Variants in LY86 observed in about 807,000 individuals in gnomAD.
LY86 encodes the protein lymphocyte antigen 86, also known as MD-1, RP105-associated.
Under a neutral mutation model 17.3 loss-of-function variants are expected in LY86, and 20 were observed. That is an observed-to-expected ratio of 1.15 (90% confidence interval 0.81 to 1.68). The LOEUF (loss-of-function observed/expected upper bound fraction) is 1.68, where lower values mean the gene tolerates loss of function less well. Ranked by LOEUF, LY86 falls within the 40% of genes most tolerant of loss-of-function variation. The pLI is 0.00. For synonymous variants in LY86, 74 were observed against 70.6 expected (o/e 1.05, Z -0.24); for missense variants, 200 against 191.9 (o/e 1.04, Z -0.25).
chr6:6,636,509 T>G (rs1761961089), intron 3 of LY86, among the ~76,000 whole-genome samples: 1 of 152,236 alleles, frequency 6.6e-6, no homozygotes, highest in African/African-American at 2.4e-5. Context: ...ACTGGAAGTC[T>G]GCATTTTAAC....
chr6:6,590,849 G>A (rs150947640), intron 1 of LY86, among the ~76,000 whole-genome samples: 4 of 152,256 alleles, frequency 2.6e-5, no homozygotes, highest in Non-Finnish European at 5.9e-5. Flanking sequence ...TGCCCAGAGA[G>A]GTCCAGATGG....
At chr6:6,635,108 C>T (rs1210150400) in intron 3 of LY86, among the ~76,000 whole-genome samples, 1 of 152,124 alleles carries the variant, frequency 6.6e-6, no homozygotes. Context: ...AATGCAAGCC[C>T]AGGAATTCAG....
intron 3 of LY86, among the ~76,000 whole-genome samples, chr6:6,630,315 A>C (rs1761880676): frequency 1.3e-5 from 2 of 152,226 alleles, no homozygotes; most frequent in Non-Finnish European, 2.9e-5. Flanking sequence ...GTAGAATATC[A>C]AGGGATGATC....
chr6:6,622,112 C>T (rs571227950), intron 1 of LY86, among the ~76,000 whole-genome samples: 5 of 152,326 alleles, frequency 3.3e-5, no homozygotes, highest in African/African-American at 9.6e-5. Flanking sequence ...ATCTGTCTTT[C>T]TGCTTTTATA....
At chr6:6,652,711 C>T (rs567192322) in intron 4 of LY86, among the ~76,000 whole-genome samples, 17 of 152,312 alleles carry the variant, frequency 1.1e-4, no homozygotes, top group African/African-American at 3.4e-4. Context: ...GCACTCAGTC[C>T]TTCCCTACCC....
chr6:6,612,489 A>C (rs1273122846), intron 1 of LY86, among the ~76,000 whole-genome samples: 1 of 150,782 alleles, frequency 6.6e-6, no homozygotes, highest in Non-Finnish European at 1.5e-5. Context: ...CCAAAGTGTA[A>C]ACAACAAAAA....
chr6:6,653,786 C>T (rs1762221089), intron 4 of LY86, among the ~76,000 whole-genome samples: 1 of 152,228 alleles, frequency 6.6e-6, no homozygotes, highest in African/African-American at 2.4e-5. Flanking sequence ...TTCTTTCTCT[C>T]CCACCCACTT....
chr6:6,607,771 G>A (rs1313988860), intron 1 of LY86, among the ~76,000 whole-genome samples: 2 of 151,784 alleles, frequency 1.3e-5, no homozygotes, highest in South Asian at 2.1e-4. Flanking sequence ...GTAGTGGCGG[G>A]TGCCTGTAAT....
intron 1 of LY86, among the ~76,000 whole-genome samples, chr6:6,590,007 G>C (rs1561771982): frequency 1.3e-5 from 2 of 151,042 alleles, no homozygotes; most frequent in Non-Finnish European, 2.9e-5. Flanking sequence ...TGTAATCCCA[G>C]CTACTTGGGA....
intron 1 of LY86, among the ~76,000 whole-genome samples, chr6:6,594,301 G>T (rs1483435937): frequency 6.6e-6 from 1 of 152,206 alleles, no homozygotes; most frequent in African/African-American, 2.4e-5. Context: ...CTGTGAGCTA[G>T]GGATGATCTT....
At chr6:6,649,719 TGAA>T (rs768280249) in intron 4 of LY86, 42 bp downstream of exon 4, 209 of 1,151,836 alleles carry the variant, frequency 1.8e-4, no homozygotes, top group Non-Finnish European at 1.8e-4. Context: ...GTTTGTTTCT[TGAA>T]GAAGAAGAAG....
intron 4 of LY86, 60 bp from the exon 5 acceptor site, chr6:6,654,484 G>T: frequency 2.3e-6 from 3 of 1,278,216 alleles, no homozygotes; most frequent in Admixed American, 1.7e-5. Context: ...GTAAATATTT[G>T]TTAAATGGTT....
intron 1 of LY86, among the ~76,000 whole-genome samples, chr6:6,599,742 TCAAGCCA>T (rs1760839525): frequency 6.6e-6 from 1 of 152,222 alleles, no homozygotes; most frequent in Non-Finnish European, 1.5e-5. Context: ...CCTCAGGGCT[TCAAGCCA>T]AGTGCCTCCT....
intron 1 of LY86, among the ~76,000 whole-genome samples, chr6:6,606,882 C>T (rs1221847692): frequency 6.6e-6 from 1 of 152,268 alleles, no homozygotes; most frequent in Non-Finnish European, 1.5e-5. Flanking sequence ...CACAGTGCAA[C>T]GGCAGGCTGA....
intron 3 of LY86, among the ~76,000 whole-genome samples, chr6:6,648,478 T>A (rs1762138927): frequency 6.6e-6 from 1 of 152,150 alleles, no homozygotes; most frequent in African/African-American, 2.4e-5. Flanking sequence ...CTTTTCCACA[T>A]CAAGGCCTCT....
intron 3 of LY86, among the ~76,000 whole-genome samples, chr6:6,647,374 C>G (rs1242037356): frequency 6.6e-6 from 1 of 152,182 alleles, no homozygotes; most frequent in East Asian, 1.9e-4. Context: ...ACAAGCCATT[C>G]TTAATACCAC....
rs1460263152 is a variant in LY86, at chr6:6,654,541, C to T, written c.406-3C>T. The stretch of plus-strand genomic sequence containing the variant: ...TCTAATACTTGACCTGTGCCCCTTG[C>T]AGGGAGAATACCAGGTTTTGCTGGA... On this transcript the variant is annotated splice_polypyrimidine_tract_variant and splice_region_variant and intron_variant, in intron 4 of 4. Transcript: ENST00000230568. 5 of 1,611,512 alleles carry T rather than the reference C, an allele frequency of 3.1e-6. No homozygotes were observed. The highest frequency in any genetic ancestry group is 4.2e-6 in the Non-Finnish European group (5 of 1,177,592).
At chr6:6,646,457 T>G (rs1468748042) in intron 3 of LY86, among the ~76,000 whole-genome samples, 1 of 152,156 alleles carries the variant, frequency 6.6e-6, no homozygotes, top group East Asian at 1.9e-4. Flanking sequence ...ATGTCTCAGT[T>G]CTTTCACCCC....
At chr6:6,598,815 G>T (rs1250370701) in intron 1 of LY86, among the ~76,000 whole-genome samples, 2 of 151,842 alleles carry the variant, frequency 1.3e-5, no homozygotes, top group African/African-American at 4.8e-5. Flanking sequence ...CATTAGAGGG[G>T]TGATTTACAG....
Sources: allele counts gnomAD v4.1 joint callset (sites outside exome capture counted in the v4.1 genomes callset), GRCh38; gene constraint gnomAD v4.1.1; transcripts MANE v1.5; gene names NCBI Gene and HGNC (gene_info 2026-07-23, HGNC 2026-07-21).